ATG16L1: variants seen among roughly 807,000 people sequenced by gnomAD.
ATG16L1 encodes autophagy related 16 like 1.
In ATG16L1, 37 loss-of-function variants were observed where a neutral mutation model predicts 88.5. The observed-to-expected ratio is 0.42, with a 90% CI of 0.32 to 0.55. The LOEUF is 0.55. Ranked by LOEUF, ATG16L1 falls within the 20% of genes least tolerant of loss-of-function variation. ATG16L1 has a pLI of 0.13. For missense variants in ATG16L1, 554 were observed against 752.8 expected (o/e 0.74, Z 3.09); for synonymous variants, 301 against 281.0 (o/e 1.07, Z -0.71).
intron 17 of ATG16L1, among the ~76,000 whole-genome samples, chr2:233,293,971 C>G (rs1699640722): frequency 6.6e-6 from 1 of 152,262 alleles, no homozygotes; most frequent in South Asian, 2.1e-4. Flanking sequence ...GTCTTTCCAG[C>G]TCACTCAGAG....
intron 13 of ATG16L1, 21 bp from the exon 14 acceptor site, chr2:233,290,227 T>A: frequency 6.2e-7 from 1 of 1,611,404 alleles, no homozygotes; most frequent in Non-Finnish European, 8.5e-7. Flanking sequence ...GCTTGATTAA[T>A]GATGTTTGCA....
intron 6 of ATG16L1, among the ~76,000 whole-genome samples, chr2:233,271,414 G>T (rs1486942044): frequency 6.6e-6 from 1 of 152,220 alleles, no homozygotes; most frequent in African/African-American, 2.4e-5. Context: ...AAGTAGCTGG[G>T]ATTACAGGCA....
chr2:233,275,818 G>C lies in ATG16L1; in HGVS notation c.954+1040G>C, dbSNP rs114349660. On this transcript the variant is annotated intron_variant, in intron 9 of 17. Coordinates refer to ENST00000392017, the MANE Select transcript of ATG16L1 (RefSeq NM_030803.7). ...CCCAGCAGCCCATTTTTTCCCTCCC[G>C]TCACATTTAAGTCATGTGTATGGGA... 2,181 of 519,058 alleles carry C rather than the reference G, an allele frequency of 4.2e-3. 46 individuals are homozygous for C. Among genetic ancestry groups the C allele is most frequent in the African/African-American group, 0.032 (1,688 of 52,018 alleles). The allele number at this position is 519,058 out of a possible 1,614,324, so 32.2% of individuals were successfully genotyped here. A position where few individuals can be genotyped will look rare whatever the true frequency, so the allele number is the denominator to read the frequency against.
intron 1 of ATG16L1, among the ~76,000 whole-genome samples, chr2:233,253,946 G>C (rs1006744624): frequency 6.6e-6 from 1 of 152,188 alleles, no homozygotes; most frequent in Non-Finnish European, 1.5e-5. Context: ...GTCAAATTGG[G>C]TGGGAGGCTT....
At chr2:233,287,692 A>G (rs367859942) in intron 12 of ATG16L1, among the ~76,000 whole-genome samples, 376 of 152,366 alleles carry the variant, frequency 2.5e-3, no homozygotes, top group African/African-American at 8.2e-3. Context: ...AGCCTGGCCA[A>G]CATGGTAAAA....
At chr2:233,271,601 G>A (rs184588434) in intron 6 of ATG16L1, among the ~76,000 whole-genome samples, 29 of 152,338 alleles carry the variant, frequency 1.9e-4, no homozygotes, top group Admixed American at 3.3e-4. Context: ...TAATCTCTAT[G>A]CTTCCCTAAG....
chr2:233,266,519 A>T (rs183004919), intron 5 of ATG16L1, among the ~76,000 whole-genome samples: 1 of 152,354 alleles, frequency 6.6e-6, no homozygotes. Flanking sequence ...CCATATCAGT[A>T]GTTTCGAGTT....
intron 6 of ATG16L1, among the ~76,000 whole-genome samples, chr2:233,272,640 T>G (rs1045196889): frequency 3.3e-5 from 5 of 152,192 alleles, no homozygotes; most frequent in Non-Finnish European, 5.9e-5. Flanking sequence ...ATGCCCTACT[T>G]TGGCACTGGT....
chr2:233,273,676 G>A lies in ATG16L1; in HGVS notation c.795-45G>A, dbSNP rs745873956. 4 of 1,588,600 alleles carry A rather than the reference G, an allele frequency of 2.5e-6. No homozygotes were observed. The East Asian group carries it at 8.9e-5, about 35-fold the overall frequency. On this transcript the variant is annotated intron_variant, in intron 7 of 17. Coordinates refer to ENST00000392017, the MANE Select transcript of ATG16L1 (RefSeq NM_030803.7). ...GGCTGTTTATTGATTGATTATTTGGGCAAAATGTTTCTAAGGTTTAAACCT... is the reference window on the plus strand; with the variant it reads ...GGCTGTTTATTGATTGATTATTTGGACAAAATGTTTCTAAGGTTTAAACCT...
At chr2:233,288,645 A>G (rs769711662) in intron 12 of ATG16L1, 1 of 425,094 alleles carries the variant, frequency 2.4e-6, no homozygotes, top group South Asian at 1.8e-5. Context: ...TGTTTTACAC[A>G]TAGAAAAATG....
At chr2:233,289,046 A>G (rs556624183) in intron 12 of ATG16L1, 20 of 407,626 alleles carry the variant, frequency 4.9e-5, no homozygotes, top group Admixed American at 4.3e-4. Flanking sequence ...GACTTTAAAT[A>G]TGGAACTGAC....
At chr2:233,268,704 C>G (rs1331926001) in intron 5 of ATG16L1, among the ~76,000 whole-genome samples, 2 of 152,160 alleles carry the variant, frequency 1.3e-5, no homozygotes, top group Non-Finnish European at 2.9e-5. Context: ...TCTCTACCAG[C>G]TAAGACAATT....
chr2:233,274,323 A>G (rs1161525631), intron 8 of ATG16L1: 3 of 475,344 alleles, frequency 6.3e-6, no homozygotes, highest in East Asian at 6.6e-5. Flanking sequence ...ATAGTTTTGC[A>G]AAAAAGACCA....
Position 233,282,663 on chromosome 2 carries a change from C to G in ATG16L1, c.1132-19C>G. The G allele has an allele frequency of 6.2e-7, 1 of 1,612,826 alleles. No individual in the cohort carries two copies. ...CTGATTTGGCTAAAAATTGGTTTTC[C>G]TCTTCTTTATTCCCACAGGGATCTT... On this transcript the variant is annotated intron_variant, in intron 11 of 17. Coordinates refer to ENST00000392017, the MANE Select transcript of ATG16L1 (RefSeq NM_030803.7).
chr2:233,286,621 C>CTTTTTTTTTTT (rs10676895), intron 12 of ATG16L1, among the ~76,000 whole-genome samples: 5 of 93,296 alleles, frequency 5.4e-5, no homozygotes, highest in African/African-American at 1.9e-4. Flanking sequence ...GAAGCCCAAA[C>CTTTTTTTTTTT]TTTTTTTTTT....
chr2:233,259,749 C>T (rs1321524697), intron 2 of ATG16L1, among the ~76,000 whole-genome samples: 1 of 152,180 alleles, frequency 6.6e-6, no homozygotes, highest in African/African-American at 2.4e-5. Flanking sequence ...CTTCTTCCCT[C>T]TAGATCTTCC....
intron 2 of ATG16L1, among the ~76,000 whole-genome samples, chr2:233,262,346 T>A (rs1697272153): frequency 6.6e-6 from 1 of 152,196 alleles, no homozygotes; most frequent in Non-Finnish European, 1.5e-5. Flanking sequence ...CAATCTGCTC[T>A]CCTTTTAAAA....
At chr2:233,277,223 G>A (rs1304800155) in intron 9 of ATG16L1, 1 of 181,600 alleles carries the variant, frequency 5.5e-6, no homozygotes, top group Non-Finnish European at 1.2e-5. Flanking sequence ...ACTCAGTCTG[G>A]ACCAAAATTA....
rs1429831270 is a variant in ATG16L1 at position 233,251,686 on chromosome 2, T to G, written c.-142T>G. On this transcript the variant is annotated 5_prime_UTR_variant, in exon 1 of 18. It removes an upstream start codon present in the reference 5' UTR. Coordinates refer to ENST00000392017, the MANE Select transcript of ATG16L1 (RefSeq NM_030803.7). ...GCATGAGCCGGAAGACCGTCCCGGA[T>G]GGCCTCGGGGACTGCCAGTGTGTGG... 1 of 693,626 alleles carries G rather than the reference T, an allele frequency of 1.4e-6. No individual in the cohort carries two copies. Among genetic ancestry groups the G allele is most frequent in the African/African-American group, 1.8e-5 (1 of 54,374 alleles). The allele number at this position is 693,626 out of a possible 1,614,324, so 43.0% of individuals were successfully genotyped here.
Sources: gnomAD v4.1 joint callset for allele counts (sites outside exome capture counted in the v4.1 genomes callset) on GRCh38, gnomAD v4.1.1 for gene constraint, MANE v1.5 for transcripts, NCBI Gene and HGNC (gene_info 2026-07-23, HGNC 2026-07-21) for gene names.